Variants in ATCAY observed in about 807,000 individuals in gnomAD.
ATCAY encodes ATCAY kinesin light chain interacting caytaxin.
A neutral mutation model predicts 47.7 loss-of-function variants in ATCAY; 22 were observed. The observed-to-expected ratio is 0.46, with a 90% confidence interval of 0.33 to 0.66. ATCAY has a LOEUF of 0.66. Ranked by LOEUF, ATCAY falls within the 30% of genes least tolerant of loss-of-function variation. ATCAY has a pLI of 0.02. For missense variants in ATCAY, 452 were observed against 515.0 expected, an observed-to-expected ratio of 0.88 and a Z score of 1.18; for synonymous variants, 216 against 207.6, an observed-to-expected ratio of 1.04 and a Z score of -0.35.
chr19:3,907,818 C>T lies in ATCAY; in HGVS notation c.443C>T (p.Ala148Val), dbSNP rs1311440202. 6.8e-6 allele frequency: 11 copies of T among 1,613,842 alleles called. No individual in the cohort carries two copies. The highest frequency in any genetic ancestry group is 5.5e-5 in the South Asian group (5 of 91,092). The change falls in exon 5 of 13, where the codon GCC becomes GTC. Residue 148 changes from alanine to valine, a missense_variant. Transcript: ENST00000450849. The surrounding 1 kb of genome is among the most constrained non-coding windows in gnomAD (Gnocchi z 5.1). ...FGDGTTEDGS[A>V]ANGRLWRTVI... ...GACGGCACGACGGAGGACGGCAGCG[C>T]CGCCAACGGGCGCCTGTGGCGGACA...
At chr19:3,915,793 G>T (rs1245221051) in intron 9 of ATCAY, among the ~76,000 whole-genome samples, 1 of 148,302 alleles carries the variant, frequency 6.7e-6, no homozygotes, top group Non-Finnish European at 1.5e-5. Flanking sequence ...GACCTCAGGT[G>T]ATCCGCCCAC....
rs979092538 is a variant in ATCAY at position 3,911,531 on chromosome 19, A to G, written c.866+642A>G. On this transcript the variant is annotated intron_variant, in intron 8 of 12. Transcript: ENST00000450849. The stretch of plus-strand genomic sequence containing the variant: ...AGAGCAAAACAACCCTGTCTCTAAA[A>G]ATAAAATATATATATATGTATGTAT... 1.3e-5 allele frequency among the ~76,000 whole-genome samples: 2 copies of G among 150,674 alleles called. 1 individual carries two copies. The highest frequency in any genetic ancestry group is 3.9e-4 in the East Asian group (2 of 5,110).
chr19:3,921,911 A>AC (rs1413182344), intron 12 of ATCAY, among the ~76,000 whole-genome samples: 23 of 152,006 alleles, frequency 1.5e-4, no homozygotes, highest in East Asian at 7.7e-4. Flanking sequence ...AAAAAAAACA[A>AC]AAAAACAAAA....
rs2038871359 is a variant in ATCAY at position 3,907,461 on chromosome 19, C to G, written c.359-273C>G. On this transcript the variant is annotated intron_variant, in intron 4 of 12. Transcript: ENST00000450849. This position sits in a 1 kb window ranked among gnomAD's most constrained non-coding sequence, Gnocchi z 5.1. ...AGATGCATTCACCAGCTCTGAGAAG[C>G]TCCAGGACACAGGTCCTTAACCAAC... Among the ~76,000 whole-genome samples the G allele has an allele frequency of 6.6e-6, 1 of 152,204 alleles. No homozygotes were observed. Among genetic ancestry groups the G allele is most frequent in the South Asian group, 2.1e-4 (1 of 4,824 alleles).
At chr19:3,917,804 G>C in intron 10 of ATCAY, 27 bp downstream of exon 10, 1 of 1,606,360 alleles carries the variant, frequency 6.2e-7, no homozygotes, top group Non-Finnish European at 8.5e-7. Context: ...TTCTGCTGGG[G>C]CTGGGTCGGG....
chr19:3,904,128 GGGTGACAAGGC>G (rs1040184495), intron 3 of ATCAY, among the ~76,000 whole-genome samples: 4 of 152,132 alleles, frequency 2.6e-5, no homozygotes, highest in African/African-American at 9.7e-5. Context: ...ACTCCAGCCT[GGGTGACAAGGC>G]GAGACTCTGT....
chr19:3,888,315 C>T (rs893594429), intron 2 of ATCAY, among the ~76,000 whole-genome samples: 1 of 151,956 alleles, frequency 6.6e-6, no homozygotes. Context: ...AGGTGTGTTC[C>T]GCCTGAAAAA....
Position 3,889,087 on chromosome 19 carries a change from T to C in ATCAY, c.77+3243T>C, listed in dbSNP as rs903866594. Among the ~76,000 whole-genome samples, 5 of 151,896 alleles carry C rather than the reference T, an allele frequency of 3.3e-5. No homozygotes were observed. In the South Asian group the frequency reaches 1.0e-3, roughly 32 times the overall value. On this transcript the variant is annotated intron_variant, in intron 2 of 12. Transcript: ENST00000450849. ...GAGTTTGAGATTAGCCTGGGCAACA[T>C]AGCAAGACCTCGTCTCTTAAAAAAA...
intron 10 of ATCAY, among the ~76,000 whole-genome samples, chr19:3,918,333 C>T (rs10411641): frequency 0.7 from 106,109 of 151,082 alleles, 38,016 homozygotes; most frequent in East Asian, 0.98. Context: ...TGCAGTGAGC[C>T]GAGATCATGC....
At position 3,927,997 on chromosome 19, in the gene ATCAY, G is replaced by A. The variant is rs1046825822; in HGVS notation, c.*3405G>A. The A allele has an allele frequency of 2.0e-5, 3 of 152,172 alleles. No individual in the cohort carries two copies. The highest frequency in any genetic ancestry group is 3.9e-4 in the East Asian group (2 of 5,192). The allele number at this position is 152,172 out of a possible 1,614,324, so 9.4% of individuals were successfully genotyped here. ...TTTTCAGAACAGAAATGATCACTACGATTGACGACGGTCGTGATGTTAAGA... is the reference window on the plus strand; with the variant it reads ...TTTTCAGAACAGAAATGATCACTACAATTGACGACGGTCGTGATGTTAAGA... On this transcript the variant is annotated 3_prime_UTR_variant, in exon 13 of 13. Transcript: ENST00000450849.
At chr19:3,887,763 G>A (rs984628291) in intron 2 of ATCAY, among the ~76,000 whole-genome samples, 1 of 150,302 alleles carries the variant, frequency 6.7e-6, no homozygotes, top group African/African-American at 2.4e-5. Context: ...TGGGATTACA[G>A]GCGTGAGCCA....
intron 2 of ATCAY, among the ~76,000 whole-genome samples, chr19:3,887,800 A>C (rs1338347793): frequency 6.7e-6 from 1 of 149,898 alleles, no homozygotes; most frequent in Non-Finnish European, 1.5e-5. Flanking sequence ...GTCTCTATTT[A>C]AAAAGAGAGG....
intron 1 of ATCAY, among the ~76,000 whole-genome samples, chr19:3,882,518 A>C (rs189005420): frequency 1.4e-5 from 2 of 145,970 alleles, no homozygotes; most frequent in African/African-American, 2.5e-5. Flanking sequence ...TTTTTAAGAG[A>C]TGGGGACTTG....
At position 3,907,131 on chromosome 19, in the gene ATCAY, C is replaced by T. The variant is rs1235873246; in HGVS notation, c.359-603C>T. Among the ~76,000 whole-genome samples, 1 of 135,624 alleles carries T rather than the reference C, an allele frequency of 7.4e-6. No homozygotes were observed. The highest frequency in any genetic ancestry group is 1.6e-5 in the Non-Finnish European group (1 of 63,902). 89.0% of individuals were successfully genotyped at this position (135,624 alleles called of 152,430 possible). A position where few individuals can be genotyped will look rare whatever the true frequency, so the allele number is the denominator to read the frequency against. ...CCTGGGCGATGGAACAAGACTCTCT[C>T]AAAAAAAAAAAAGAAAGAAAAAAAA... On this transcript the variant is annotated intron_variant, in intron 4 of 12. Coordinates refer to ENST00000450849, the MANE Select transcript of ATCAY (RefSeq NM_033064.5). This position sits in a 1 kb window ranked among gnomAD's most constrained non-coding sequence, Gnocchi z 5.1.
chr19:3,887,236 T>C (rs1244977230), intron 2 of ATCAY, among the ~76,000 whole-genome samples: 2 of 151,730 alleles, frequency 1.3e-5, no homozygotes, highest in Non-Finnish European at 2.9e-5. Context: ...GCTGGGGGGA[T>C]TGATAGAGCT....
At chr19:3,885,122 A>C (rs1380525994) in intron 1 of ATCAY, among the ~76,000 whole-genome samples, 13 of 149,286 alleles carry the variant, frequency 8.7e-5, no homozygotes, top group African/African-American at 2.4e-4. Flanking sequence ...AAAAAAAAAA[A>C]AAAAAAAAAA....
rs188724855 is a variant in ATCAY at position 3,917,127 on chromosome 19, C to A, written c.966-615C>A. 2.1e-3 allele frequency among the ~76,000 whole-genome samples: 313 copies of A among 151,788 alleles called. 1 individual carries two copies. Among genetic ancestry groups the A allele is most frequent in the African/African-American group, 6.7e-3 (277 of 41,470 alleles). ...CAGCCAACACATAAACATTTATAAT[C>A]AAAAATGCATCTATGGGCCAGGTGT... On this transcript the variant is annotated intron_variant, in intron 9 of 12. Coordinates refer to ENST00000450849, the MANE Select transcript of ATCAY (RefSeq NM_033064.5).
chr19:3,883,070 C>G (rs1350500861), intron 1 of ATCAY, among the ~76,000 whole-genome samples: 1 of 151,948 alleles, frequency 6.6e-6, no homozygotes, highest in African/African-American at 2.4e-5. Context: ...CTGCACCCAG[C>G]CCCTAGACGC....
At chr19:3,886,966 G>A (rs1417887326) in intron 2 of ATCAY, among the ~76,000 whole-genome samples, 1 of 151,986 alleles carries the variant, frequency 6.6e-6, no homozygotes, top group East Asian at 1.9e-4. Flanking sequence ...CCAGGCAAGA[G>A]CCACCGCGCC....
Sources: allele counts gnomAD v4.1 joint callset (sites outside exome capture counted in the v4.1 genomes callset), GRCh38; gene constraint gnomAD v4.1.1; non-coding constraint Gnocchi (gnomAD v3.1); transcripts MANE v1.5; gene names NCBI Gene and HGNC (gene_info 2026-07-23, HGNC 2026-07-21).